Variants in DPH6 observed in about 807,000 individuals in gnomAD.
DPH6 encodes the protein diphthamine biosynthesis 6.
In DPH6, 33 loss-of-function variants were observed where a neutral mutation model predicts 38.2. The ratio of observed to expected loss-of-function variants is 0.86; its 90% CI spans 0.65 to 1.15. The LOEUF (loss-of-function observed/expected upper bound fraction) is 1.15, where lower values mean the gene tolerates loss of function less well. Among genes scored for constraint, DPH6 ranks in the 50% most tolerant of loss-of-function variants. The pLI is 0.00. For missense variants in DPH6, 325 were observed against 320.0 expected, an observed-to-expected ratio of 1.02 and a Z score of -0.12; for synonymous variants, 108 against 103.0, an observed-to-expected ratio of 1.05 and a Z score of -0.30.
At chr15:35,477,402 C>G (rs1338408304) in intron 3 of DPH6, among the ~76,000 whole-genome samples, 1 of 151,516 alleles carries the variant, frequency 6.6e-6, no homozygotes, top group East Asian at 1.9e-4. Flanking sequence ...AATTATAATA[C>G]AAAGTGTTAA....
At chr15:35,469,127 A>G (rs576457350) in intron 3 of DPH6, among the ~76,000 whole-genome samples, 1 of 152,014 alleles carries the variant, frequency 6.6e-6, no homozygotes, top group Non-Finnish European at 1.5e-5. Flanking sequence ...AAACCACAGC[A>G]TGAACAGCAT....
At chr15:35,325,520 A>C (rs1173463983) in intron 3 of DPH6, among the ~76,000 whole-genome samples, 1 of 152,190 alleles carries the variant, frequency 6.6e-6, no homozygotes, top group African/African-American at 2.4e-5. Flanking sequence ...TTGTATGTAC[A>C]TGCGGAAAAC....
At chr15:35,431,848 C>T (rs1301694609) in intron 5 of DPH6, among the ~76,000 whole-genome samples, 7 of 151,888 alleles carry the variant, frequency 4.6e-5, no homozygotes, top group South Asian at 2.1e-4. Context: ...AGTGCAGTGG[C>T]GCAATCTCGG....
the DPH6 span, among the ~76,000 whole-genome samples, chr15:35,183,664 C>G: frequency 6.6e-6 from 1 of 152,116 alleles, no homozygotes; most frequent in East Asian, 1.9e-4. Context: ...ATCTAACATT[C>G]AGTAGCATGA....
chr15:35,266,774 T>C (rs1177140507), intron 3 of DPH6, among the ~76,000 whole-genome samples: 1 of 152,234 alleles, frequency 6.6e-6, no homozygotes, highest in East Asian at 1.9e-4. Context: ...TTGTTTTCTA[T>C]TGTCTTTGTA....
At chr15:35,426,585 GTA>G (rs2053572926) in intron 5 of DPH6, among the ~76,000 whole-genome samples, 2 of 151,790 alleles carry the variant, frequency 1.3e-5, no homozygotes, top group South Asian at 2.1e-4. Context: ...CCACAGGTTA[GTA>G]TGTGTAGGAG....
intron 5 of DPH6, among the ~76,000 whole-genome samples, chr15:35,446,645 C>T (rs2053857897): frequency 6.6e-6 from 1 of 152,148 alleles, no homozygotes; most frequent in Non-Finnish European, 1.5e-5. Flanking sequence ...GGTAAGGCTT[C>T]TGGTCAACAG....
intron 3 of DPH6, among the ~76,000 whole-genome samples, chr15:35,266,921 T>A (rs2051787036): frequency 6.6e-6 from 1 of 152,072 alleles, no homozygotes; most frequent in African/African-American, 2.4e-5. Context: ...AATAAAATGA[T>A]TAGTGGACAA....
At chr15:35,417,784 G>A (rs1315441832) in intron 5 of DPH6, among the ~76,000 whole-genome samples, 1 of 151,870 alleles carries the variant, frequency 6.6e-6, no homozygotes, top group Non-Finnish European at 1.5e-5. Flanking sequence ...CATTTAACTG[G>A]TAAATGCAGC....
At chr15:35,418,244 T>A (rs952800469) in intron 5 of DPH6, among the ~76,000 whole-genome samples, 3 of 152,110 alleles carry the variant, frequency 2.0e-5, no homozygotes, top group African/African-American at 7.2e-5. Context: ...ACTGAGACAA[T>A]TACATTAGTT....
chr15:35,257,457 C>T (rs2051715892), intron 3 of DPH6, among the ~76,000 whole-genome samples: 1 of 152,080 alleles, frequency 6.6e-6, no homozygotes, highest in Admixed American at 6.5e-5. Flanking sequence ...GGAGTGACAG[C>T]AATGCTAATC....
At chr15:35,435,835 T>C (rs986080003) in intron 5 of DPH6, among the ~76,000 whole-genome samples, 3 of 152,046 alleles carry the variant, frequency 2.0e-5, no homozygotes, top group African/African-American at 7.2e-5. Flanking sequence ...AGCCTTCTTG[T>C]CCTTGGACTT....
Position 35,490,284 on chromosome 15 carries a change from A to T in DPH6, c.313-35464T>A, listed in dbSNP as rs1001231875. ...TTGTCAGTCATAAAGAGAGGTTTGTAGTAGACCAAATGAATGTGAGTAACT... is the reference window on the plus strand; with the variant it reads ...TTGTCAGTCATAAAGAGAGGTTTGTTGTAGACCAAATGAATGTGAGTAACT... On this transcript the variant is annotated intron_variant, in intron 3 of 8. Transcript: ENST00000256538. 3 of 660,840 alleles carry T rather than the reference A, an allele frequency of 4.5e-6. No individual in the cohort carries two copies. The African/African-American group carries it at 5.9e-5, about 13-fold the overall frequency. The allele number at this position is 660,840 out of a possible 1,614,324, so 40.9% of individuals were successfully genotyped here. A position where few individuals can be genotyped will look rare whatever the true frequency, so the allele number is the denominator to read the frequency against.
downstream of DPH6, among the ~76,000 whole-genome samples, chr15:35,366,952 G>A (rs932064555): frequency 2.6e-5 from 4 of 151,940 alleles, no homozygotes; most frequent in East Asian, 7.7e-4. Flanking sequence ...ATACATGCTG[G>A]ATTGAAGAGA....
Position 35,542,353 on chromosome 15 carries a change from T to C in DPH6, c.118+60A>G, listed in dbSNP as rs147540737. 27 of 1,378,166 alleles carry C rather than the reference T, an allele frequency of 2.0e-5. No homozygotes were observed. The African/African-American group carries it at 2.4e-4, about 12-fold the overall frequency. The allele number at this position is 1,378,166 out of a possible 1,614,324, so 85.4% of individuals were successfully genotyped here. A position where few individuals can be genotyped will look rare whatever the true frequency, so the allele number is the denominator to read the frequency against. ...CTTTGTACGGTATACCTGTACAATG[T>C]AATTATGAAGTTGGAATTTCATTCA... is the stretch of plus-strand genomic sequence containing the variant. On this transcript the variant is annotated intron_variant, in intron 2 of 8. Transcript: ENST00000256538.
intron 6 of DPH6, chr15:35,401,189 C>G (rs2053214377): frequency 8.4e-7 from 1 of 1,195,016 alleles, no homozygotes; most frequent in Non-Finnish European, 1.2e-6. Flanking sequence ...GTTAGGAAAG[C>G]CCTGTCAAAC....
chr15:35,364,893 T>C lies in DPH6; in HGVS notation n.207+8628A>G, dbSNP rs1277871692. Among the ~76,000 whole-genome samples, 4 of 152,060 alleles carry C rather than the reference T, an allele frequency of 2.6e-5. No individual in the cohort carries two copies. In the East Asian group the frequency reaches 7.7e-4, roughly 29 times the overall value. On this transcript the variant is annotated intron_variant and non_coding_transcript_variant, in intron 3 of 3. Transcript: ENST00000558973. Reference sequence around the variant, plus strand: ...TCTCCCTCTAGTCTTTCTGACACTCTAATTACATGTATTTTTGAGCTTCTC... The same window carrying C: ...TCTCCCTCTAGTCTTTCTGACACTCCAATTACATGTATTTTTGAGCTTCTC...
At chr15:35,543,258 TA>T (rs1182048800) in intron 1 of DPH6, among the ~76,000 whole-genome samples, 2 of 92,606 alleles carry the variant, frequency 2.2e-5, no homozygotes, top group African/African-American at 9.0e-5. Context: ...CACATACACA[TA>T]ATATATATAT....
At chr15:35,307,753 ATG>A (rs1202309874) in intron 3 of DPH6, among the ~76,000 whole-genome samples, 1 of 152,036 alleles carries the variant, frequency 6.6e-6, no homozygotes, top group African/African-American at 2.4e-5. Context: ...TGCATATCTT[ATG>A]TGTGTGTATA....
Sources: allele counts gnomAD v4.1 joint callset (sites outside exome capture counted in the v4.1 genomes callset), GRCh38; gene constraint gnomAD v4.1.1; transcripts MANE v1.5; gene names NCBI Gene and HGNC (gene_info 2026-07-23, HGNC 2026-07-21).